The following NUP210 variants were observed in gnomAD, a reference collection of about 807,000 sequenced individuals.
NUP210 encodes the protein nuclear pore membrane glycoprotein 210.
NUP210 carries 151 observed loss-of-function variants against 196.0 expected under a neutral mutation model. The ratio of observed to expected loss-of-function variants is 0.77; its 90% CI spans 0.67 to 0.88. NUP210 has a LOEUF of 0.88. Ranked by LOEUF, NUP210 falls within the 40% of genes least tolerant of loss-of-function variation. The probability of loss-of-function intolerance (pLI) is 0.00; values close to 1 mark genes in which losing one functional copy is unlikely to be tolerated. For missense variants in NUP210, 2,314 were observed against 2,493.7 expected (o/e 0.93, Z 1.53); for synonymous variants, 1,070 against 1,052.7 (o/e 1.02, Z -0.32).
At chr3:13,354,237 GC>G (rs1698089353) in intron 16 of NUP210, 130 bp from the exon 17 acceptor site, 1 of 772,628 alleles carries the variant, frequency 1.3e-6, no homozygotes, top group Non-Finnish European at 2.1e-6. Flanking sequence ...AATGGGATAT[GC>G]CAGAAAGCAA....
At position 13,322,691 on chromosome 3, in the gene NUP210, C is replaced by T. The variant is rs573528880; in HGVS notation, c.4769-352G>A. Among the ~76,000 whole-genome samples, 3 of 152,366 alleles carry T rather than the reference C, an allele frequency of 2.0e-5. No homozygotes were observed. The East Asian group carries it at 5.8e-4, about 29-fold the overall frequency. On this transcript the variant is annotated intron_variant, in intron 34 of 39. Coordinates refer to ENST00000254508, the MANE Select transcript of NUP210 (RefSeq NM_024923.4). ...AATTTACTTCTGCACATTCAGAGGG[C>T]ACTAGTTCTCCACTAACATCTGAGC...
intron 6 of NUP210, among the ~76,000 whole-genome samples, chr3:13,383,456 G>A (rs1217232933): frequency 6.7e-6 from 1 of 150,252 alleles, no homozygotes; most frequent in Non-Finnish European, 1.5e-5. Context: ...AAGTTTTCTA[G>A]GTACCTTGGG....
intron 32 of NUP210, among the ~76,000 whole-genome samples, chr3:13,326,397 C>T (rs926228162): frequency 6.6e-6 from 1 of 152,220 alleles, no homozygotes; most frequent in African/African-American, 2.4e-5. Context: ...GCTTTCACCA[C>T]ATACACATCT....
intron 28 of NUP210, among the ~76,000 whole-genome samples, chr3:13,334,466 C>G (rs572653902): frequency 6.6e-6 from 1 of 151,896 alleles, no homozygotes; most frequent in African/African-American, 2.4e-5. Flanking sequence ...GTTGGCAGAT[C>G]GGTGGGGGTT....
chr3:13,340,168 C>A lies in NUP210; in HGVS notation c.3291+68G>T. 6.2e-7 allele frequency: 1 copy of A among 1,607,654 alleles called. No homozygotes were observed. The highest frequency in any genetic ancestry group is 2.2e-5 in the East Asian group (1 of 44,792). ...CAGTCACTGCACGCAGGGCCAGAGG[C>A]GGCGTGCCTGGAACCAGGTGGTGGC... On this transcript the variant is annotated intron_variant, in intron 24 of 39. Coordinates refer to ENST00000254508, the MANE Select transcript of NUP210 (RefSeq NM_024923.4). This position sits in a 1 kb window ranked among gnomAD's most constrained non-coding sequence, Gnocchi z 4.0.
At chr3:13,384,164 T>C (rs894636184) in intron 6 of NUP210, among the ~76,000 whole-genome samples, 13 of 152,064 alleles carry the variant, frequency 8.5e-5, no homozygotes, top group African/African-American at 2.7e-4. Context: ...GGTTTCACCA[T>C]GTTGGTCAGG....
chr3:13,380,467 T>C (rs551082719), intron 6 of NUP210, among the ~76,000 whole-genome samples: 2 of 152,182 alleles, frequency 1.3e-5, no homozygotes, highest in Non-Finnish European at 2.9e-5. Flanking sequence ...ATTTTGGGGA[T>C]AGGGGACTGA....
intron 25 of NUP210, 146 bp from the exon 26 acceptor site, chr3:13,338,063 C>G (rs1270875611): frequency 1.4e-5 from 10 of 722,062 alleles, no homozygotes; most frequent in Non-Finnish European, 2.3e-5. Flanking sequence ...GCTCCTCTGC[C>G]GAGGGAGGCC....
intron 2 of NUP210, among the ~76,000 whole-genome samples, chr3:13,397,899 G>C (rs1317520411): frequency 9.2e-5 from 14 of 152,184 alleles, no homozygotes; most frequent in Admixed American, 9.2e-4. Context: ...ACATATGCTG[G>C]TGTTTTTATA....
intron 16 of NUP210, among the ~76,000 whole-genome samples, chr3:13,355,613 C>G (rs532695992): frequency 6.6e-6 from 1 of 152,372 alleles, no homozygotes; most frequent in African/African-American, 2.4e-5. Flanking sequence ...ACCATGAGGG[C>G]TCCTCCCAAC....
chr3:13,343,336 T>TGAAG, intron 20 of NUP210, 33 bp from the exon 21 acceptor site: 1 of 260,408 alleles, frequency 3.8e-6, no homozygotes, highest in Non-Finnish European at 7.2e-6. Flanking sequence ...GAGGGGTGGG[T>TGAAG]GGTGGGTTAC....
intron 25 of NUP210, 106 bp from the exon 26 acceptor site, chr3:13,338,023 G>T: frequency 2.0e-6 from 2 of 1,020,132 alleles, no homozygotes; most frequent in Non-Finnish European, 2.9e-6. Context: ...AGTCTGTGGC[G>T]AGAAGGCCCC....
intron 16 of NUP210, among the ~76,000 whole-genome samples, chr3:13,355,846 T>G (rs1406360883): frequency 6.6e-6 from 1 of 152,174 alleles, no homozygotes; most frequent in Non-Finnish European, 1.5e-5. Flanking sequence ...CCAATGCTCC[T>G]CCAGGGAAGG....
chr3:13,356,426 C>T (rs771931685), intron 16 of NUP210, among the ~76,000 whole-genome samples: 2 of 152,090 alleles, frequency 1.3e-5, no homozygotes, highest in African/African-American at 2.4e-5. Flanking sequence ...GGGCGGATCA[C>T]GAGGTCAGGA....
chr3:13,393,802 G>A (rs1015737914), intron 3 of NUP210, among the ~76,000 whole-genome samples: 1 of 152,170 alleles, frequency 6.6e-6, no homozygotes, highest in Non-Finnish European at 1.5e-5. Flanking sequence ...CGGAGCCCTT[G>A]ACCTTGAAGC....
At chr3:13,399,222 C>T (rs188785213) in intron 2 of NUP210, among the ~76,000 whole-genome samples, 3,418 of 144,740 alleles carry the variant, frequency 0.024, 134 homozygotes, top group African/African-American at 0.082. Context: ...GCCAAGATCG[C>T]GCCACTGCAC....
Position 13,352,168 on chromosome 3 carries a change from G to A in NUP210, c.2645C>T (p.Pro882Leu). The A allele has an allele frequency of 6.2e-7, 1 of 1,613,290 alleles. No individual in the cohort carries two copies. Among genetic ancestry groups the A allele is most frequent in the Non-Finnish European group, 8.5e-7 (1 of 1,179,718 alleles). The part of the protein sequence containing the change: ...RTKQPHDPLV[P>L]LSASIELILV... ...GATGAGCTCTATGGAGGCCGACAGA[G>A]GCACCAGAGGGTCATGCTGAAGGAC... Residue 882 changes from proline (P) to leucine (L), a missense_variant, in exon 19 of 40, where the codon CCT (proline) becomes CTT (leucine). Coordinates refer to ENST00000254508, the MANE Select transcript of NUP210 (RefSeq NM_024923.4).
chr3:13,349,765 C>T (rs1001156346), intron 20 of NUP210, among the ~76,000 whole-genome samples: 38 of 152,366 alleles, frequency 2.5e-4, no homozygotes, highest in African/African-American at 8.9e-4. Flanking sequence ...CCTAAGCACA[C>T]TCTCCAAAAC....
chr3:13,401,862 C>T (rs1389821963), intron 1 of NUP210, among the ~76,000 whole-genome samples: 1 of 151,806 alleles, frequency 6.6e-6, no homozygotes, highest in Non-Finnish European at 1.5e-5. Context: ...GTACTTACTA[C>T]TGAATTTTGC....
Sources: allele counts gnomAD v4.1 joint callset (sites outside exome capture counted in the v4.1 genomes callset), GRCh38; gene constraint gnomAD v4.1.1; non-coding constraint Gnocchi (gnomAD v3.1); transcripts MANE v1.5; gene names NCBI Gene and HGNC (gene_info 2026-07-23, HGNC 2026-07-21).